PITPNM2: variants seen among roughly 807,000 people sequenced by gnomAD.
The protein encoded by PITPNM2 is phosphatidylinositol transfer protein membrane associated 2, also known as membrane-associated phosphatidylinositol transfer protein 2.
PITPNM2 carries 35 observed loss-of-function variants against 132.2 expected under a neutral mutation model. That is an observed-to-expected ratio of 0.26 (90% confidence interval 0.20 to 0.35). PITPNM2 has a LOEUF of 0.35. PITPNM2 is among the 10% of genes least tolerant of loss of function. PITPNM2 has a pLI of 1.00. For synonymous variants in PITPNM2, 738 were observed against 799.2 expected (o/e 0.92, Z 1.29); for missense variants, 1,332 against 1,912.0 (o/e 0.70, Z 5.66).
At chr12:122,990,040 C>G in intron 17 of PITPNM2, 92 bp from the exon 18 acceptor site, 1 of 1,089,086 alleles carries the variant, frequency 9.2e-7, no homozygotes, top group Non-Finnish European at 1.2e-6. Flanking sequence ...GGGACAGTGC[C>G]AGGCCTGGAG....
rs970529270 is a variant in PITPNM2, at chr12:123,036,280, A to G, written c.-95-1595T>C. Among the ~76,000 whole-genome samples, 1 of 152,232 alleles carries G rather than the reference A, an allele frequency of 6.6e-6. No homozygotes were observed. Among genetic ancestry groups the G allele is most frequent in the Non-Finnish European group, 1.5e-5 (1 of 68,038 alleles). ...AGACAGGGTTAAAAGAAGTTCTTAAATAAGCCACTTAGGGAGAAAGACAGA... is the reference window on the plus strand; with the variant it reads ...AGACAGGGTTAAAAGAAGTTCTTAAGTAAGCCACTTAGGGAGAAAGACAGA... On this transcript the variant is annotated intron_variant, in intron 2 of 25. Coordinates refer to ENST00000320201, the MANE Select transcript of PITPNM2 (RefSeq NM_020845.3). This position sits in a 1 kb window ranked among gnomAD's most constrained non-coding sequence, Gnocchi z 4.1.
chr12:123,046,933 A>G (rs1051269356), intron 2 of PITPNM2, among the ~76,000 whole-genome samples: 1 of 152,340 alleles, frequency 6.6e-6, no homozygotes, highest in African/African-American at 2.4e-5. Flanking sequence ...TAAATAGCTT[A>G]AGAATTGAAC....
rs1006262862 is a variant in PITPNM2 at position 123,117,728 on chromosome 12, C to A, written c.-199-7240G>T. Among the ~76,000 whole-genome samples the A allele has an allele frequency of 6.6e-6, 1 of 152,310 alleles. No individual in the cohort carries two copies. The highest frequency in any genetic ancestry group is 1.5e-5 in the Non-Finnish European group (1 of 68,024). On this transcript the variant is annotated intron_variant, in intron 1 of 25. Coordinates refer to ENST00000320201, the MANE Select transcript of PITPNM2 (RefSeq NM_020845.3). This position sits in a 1 kb window ranked among gnomAD's most constrained non-coding sequence, Gnocchi z 4.7. ...CTGGAGCCCTGCTCTGCTCTCTGTGCCCTTCATGGATTTGTTCATTCATTG... is the reference window on the plus strand; with the variant it reads ...CTGGAGCCCTGCTCTGCTCTCTGTGACCTTCATGGATTTGTTCATTCATTG...
chr12:123,019,685 T>C (rs1279774288), intron 3 of PITPNM2, among the ~76,000 whole-genome samples: 2 of 152,224 alleles, frequency 1.3e-5, no homozygotes, highest in Non-Finnish European at 2.9e-5. Flanking sequence ...GGAGGGCCTG[T>C]GCAGCCCTCA....
At chr12:123,025,431 ATTT>A (rs539043052) in intron 3 of PITPNM2, among the ~76,000 whole-genome samples, 22 of 136,072 alleles carry the variant, frequency 1.6e-4, no homozygotes, top group Non-Finnish European at 1.4e-4. Context: ...TGTGGACCAG[ATTT>A]TTTTTTTTTT....
intron 21 of PITPNM2, 61 bp from the exon 22 acceptor site, chr12:122,987,720 G>A (rs964114482): frequency 6.3e-5 from 102 of 1,611,868 alleles, no homozygotes; most frequent in Non-Finnish European, 7.9e-5. Flanking sequence ...CCTGCACCCC[G>A]GCCAGAGGGC....
rs749487752 is a variant in PITPNM2 at position 122,996,481 on chromosome 12, G to A, written c.1759C>T (p.Arg587Trp). 3.8e-5 allele frequency: 62 copies of A among 1,612,954 alleles called. No individual in the cohort carries two copies. The highest frequency in any genetic ancestry group is 5.3e-5 in the African/African-American group (4 of 74,922). ...ACCTGCATGCTGACCACGCTGCCCC[G>A]GCGGCTGCTGCTCTGACTCTCAGAC... The part of the protein sequence containing the change: ...PVSESQSSSR[R>W]GSVVSMQDND... Residue 587 changes from arginine (R) to tryptophan (W), a missense_variant, in exon 13 of 26, where the codon CGG becomes TGG. By Grantham distance (101) the Arg-to-Trp change is moderately radical. This residue lies in a region of PITPNM2 where 710 missense variants were observed against 911.5 expected (regional missense o/e 0.78). Coordinates refer to ENST00000320201, the MANE Select transcript of PITPNM2 (RefSeq NM_020845.3).
intron 3 of PITPNM2, among the ~76,000 whole-genome samples, chr12:123,027,132 C>T (rs2039892348): frequency 6.6e-6 from 1 of 152,064 alleles, no homozygotes; most frequent in African/African-American, 2.4e-5. Context: ...ACCTGTCCCT[C>T]ATCTCTCGGT....
At chr12:123,051,768 C>G (rs1011630117) in intron 2 of PITPNM2, among the ~76,000 whole-genome samples, 4 of 152,174 alleles carry the variant, frequency 2.6e-5, no homozygotes, top group African/African-American at 4.8e-5. Flanking sequence ...GGATGAGGGT[C>G]TGTTTTTCCA....
chr12:123,010,437 A>G (rs1380403696), intron 5 of PITPNM2, among the ~76,000 whole-genome samples: 1 of 152,082 alleles, frequency 6.6e-6, no homozygotes, highest in African/African-American at 2.4e-5. Flanking sequence ...AGTGCACCCT[A>G]CCTCTTGGCA....
At chr12:123,084,664 T>C (rs1021519370) in intron 2 of PITPNM2, 1 of 152,212 alleles carries the variant, frequency 6.6e-6, no homozygotes, top group African/African-American at 2.4e-5. Context: ...TGCTGAGATA[T>C]TTCTAGCACC....
intron 6 of PITPNM2, chr12:123,007,483 C>T (rs572765729): frequency 6.5e-5 from 29 of 443,708 alleles, no homozygotes; most frequent in Middle Eastern, 3.4e-4. Context: ...GCATGCTGAG[C>T]GGGTTTGCAA....
At chr12:123,013,356 C>T (rs999963242) in intron 4 of PITPNM2, among the ~76,000 whole-genome samples, 1 of 152,236 alleles carries the variant, frequency 6.6e-6, no homozygotes. Context: ...GAAGAACCCT[C>T]TGCCAGGGAA....
chr12:123,084,692 A>AT (rs1566285065), intron 2 of PITPNM2: 1 of 152,084 alleles, frequency 6.6e-6, no homozygotes, highest in Non-Finnish European at 1.5e-5. Context: ...ATTAAAGCAG[A>AT]TTTTCTCTTC....
At chr12:123,085,103 G>A (rs780684075) in intron 2 of PITPNM2, among the ~76,000 whole-genome samples, 8 of 152,232 alleles carry the variant, frequency 5.3e-5, no homozygotes, top group Non-Finnish European at 8.8e-5. Context: ...TGAACCTAGA[G>A]TTGTGGCATG....
intron 8 of PITPNM2, among the ~76,000 whole-genome samples, chr12:123,001,964 G>A (rs564383723): frequency 2.8e-4 from 42 of 151,876 alleles, no homozygotes; most frequent in African/African-American, 9.9e-4. Context: ...CTGGGTGGCG[G>A]AGGTTGCAGC....
At chr12:123,035,861 C>G (rs2040251804) in intron 2 of PITPNM2, among the ~76,000 whole-genome samples, 1 of 152,034 alleles carries the variant, frequency 6.6e-6, no homozygotes, top group Non-Finnish European at 1.5e-5. Context: ...ATAAATTTTA[C>G]ATTTATTTAT....
At chr12:123,144,419 A>G (rs1281899769) in intron 1 of PITPNM2, among the ~76,000 whole-genome samples, 1 of 152,162 alleles carries the variant, frequency 6.6e-6, no homozygotes, top group African/African-American at 2.4e-5. Context: ...AATGATACAT[A>G]TTAAATAGGG....
In PITPNM2 at chr12:122,992,711, G is replaced by C. The variant is rs766283005; in HGVS notation, c.2234-42C>G. The C allele has an allele frequency of 6.7e-7, 1 of 1,487,466 alleles. No individual in the cohort carries two copies. Among genetic ancestry groups the C allele is most frequent in the Admixed American group, 2.2e-5 (1 of 45,548 alleles). 92.1% of individuals were successfully genotyped at this position (1,487,466 alleles called of 1,614,324 possible). On this transcript the variant is annotated intron_variant, in intron 15 of 25. Transcript: ENST00000320201. The surrounding 1 kb of genome is among the most constrained non-coding windows in gnomAD (Gnocchi z 6.5). Reference sequence around the variant, plus strand: ...TGGCTGCAGAGCTGGGGCTGGCCCTGAGGAGCAGTGGTGGGGGTGGGAAAT... The same window carrying C: ...TGGCTGCAGAGCTGGGGCTGGCCCTCAGGAGCAGTGGTGGGGGTGGGAAAT...
Sources: allele counts gnomAD v4.1 joint callset (sites outside exome capture counted in the v4.1 genomes callset), GRCh38; gene constraint gnomAD v4.1.1; regional missense constraint gnomAD v4.1.1; non-coding constraint Gnocchi (gnomAD v3.1); transcripts MANE v1.5; gene names NCBI Gene and HGNC (gene_info 2026-07-23, HGNC 2026-07-21).